The following ASPRV1 variants were observed in gnomAD, a reference collection of about 807,000 sequenced individuals.
The protein encoded by ASPRV1 is aspartic peptidase retroviral like 1.
A neutral mutation model predicts 11.0 loss-of-function variants in ASPRV1; 7 were observed. That is an observed-to-expected ratio of 0.64 (90% CI 0.36 to 1.20). The LOEUF is 1.20. Ranked by LOEUF, ASPRV1 falls within the 50% of genes most tolerant of loss-of-function variation. The probability of loss-of-function intolerance (pLI) is 0.02; values close to 1 mark genes in which losing one functional copy is unlikely to be tolerated. For synonymous variants in ASPRV1, 136 were observed against 138.4 expected (o/e 0.98, Z 0.12); for missense variants, 299 against 320.0 (o/e 0.93, Z 0.50).
the ASPRV1 span, among the ~76,000 whole-genome samples, chr2:69,952,836 AC>A: frequency 6.6e-6 from 1 of 152,040 alleles, no homozygotes; most frequent in African/African-American, 2.4e-5. Flanking sequence ...ACTGCCTTAG[AC>A]CTGTCCCTCT....
At chr2:70,069,903 C>G in the ASPRV1 span, among the ~76,000 whole-genome samples, 11 of 152,114 alleles carry the variant, frequency 7.2e-5, no homozygotes, top group East Asian at 2.1e-3. Context: ...CAACCTTGAA[C>G]AGAAAAAAGA....
At chr2:70,034,570 C>CAA in the ASPRV1 span, among the ~76,000 whole-genome samples, 46 of 85,086 alleles carry the variant, frequency 5.4e-4, no homozygotes, top group East Asian at 3.5e-3. Context: ...GACTTTGTCT[C>CAA]AAAAAAAAAA....
the ASPRV1 span, among the ~76,000 whole-genome samples, chr2:70,028,241 G>A: frequency 6.6e-6 from 1 of 152,214 alleles, no homozygotes; most frequent in Non-Finnish European, 1.5e-5. Flanking sequence ...ACTGAGAACG[G>A]AGTGTGATGG....
chr2:69,973,562 G>C, the ASPRV1 span, among the ~76,000 whole-genome samples: 5 of 152,286 alleles, frequency 3.3e-5, no homozygotes, highest in Non-Finnish European at 5.9e-5. Context: ...TGCCCAGGCT[G>C]GTCTTGGACT....
chr2:70,056,398 G>T, the ASPRV1 span: 1 of 152,112 alleles, frequency 6.6e-6, no homozygotes, highest in East Asian at 1.9e-4. Flanking sequence ...GAGGTCAGGA[G>T]ATCGAGACCA....
the ASPRV1 span, chr2:70,056,198 A>G: frequency 6.6e-6 from 1 of 152,204 alleles, no homozygotes; most frequent in African/African-American, 2.4e-5. Flanking sequence ...GGGGTAGGGC[A>G]AGAAGAGTTG....
chr2:69,959,475 A>G (rs1678010579), downstream of ASPRV1, among the ~76,000 whole-genome samples: 1 of 152,004 alleles, frequency 6.6e-6, no homozygotes, highest in African/African-American at 2.4e-5. Context: ...CAAATACGAG[A>G]TGGACCCCTA....
At chr2:70,063,468 A>T in the ASPRV1 span, among the ~76,000 whole-genome samples, 2 of 152,196 alleles carry the variant, frequency 1.3e-5, no homozygotes, top group Non-Finnish European at 2.9e-5. Flanking sequence ...AAGGCTGCTG[A>T]GGCCAGCTCC....
chr2:69,960,587 G>C lies in ASPRV1; in HGVS notation c.*70C>G, dbSNP rs752169179. ...GGCCAAGCCCAGTGACCCCCATGAGGATATGCAACCCCCCCCACAGCGGTG... is the reference window on the plus strand; with the variant it reads ...GGCCAAGCCCAGTGACCCCCATGAGCATATGCAACCCCCCCCACAGCGGTG... On this transcript the variant is annotated 3_prime_UTR_variant, in exon 1 of 1. Coordinates refer to ENST00000320256, the MANE Select transcript of ASPRV1 (RefSeq NM_152792.4). The C allele has an allele frequency of 6.8e-7, 1 of 1,480,046 alleles. No individual in the cohort carries two copies. Among genetic ancestry groups the C allele is most frequent in the African/African-American group, 1.4e-5 (1 of 70,662 alleles). 91.7% of individuals were successfully genotyped at this position (1,480,046 alleles called of 1,614,324 possible). A position where few individuals can be genotyped will look rare whatever the true frequency, so the allele number is the denominator to read the frequency against.
the ASPRV1 span, among the ~76,000 whole-genome samples, chr2:70,058,859 T>A: frequency 6.7e-6 from 1 of 149,834 alleles, no homozygotes; most frequent in African/African-American, 2.5e-5. Flanking sequence ...GCCAGAAATT[T>A]TTTTTTAAGT....
chr2:69,996,358 C>T, the ASPRV1 span, among the ~76,000 whole-genome samples: 1 of 151,864 alleles, frequency 6.6e-6, no homozygotes, highest in Admixed American at 6.6e-5. Flanking sequence ...CAGCACTGCA[C>T]TCCAGCGTGG....
chr2:69,951,184 G>C, the ASPRV1 span, among the ~76,000 whole-genome samples: 1 of 151,876 alleles, frequency 6.6e-6, no homozygotes. Context: ...CCAGCACTTT[G>C]GGAGGCTGAG....
chr2:70,072,386 C>A, the ASPRV1 span, among the ~76,000 whole-genome samples: 1 of 152,090 alleles, frequency 6.6e-6, no homozygotes, highest in Non-Finnish European at 1.5e-5. Context: ...CCACTGCACT[C>A]TAGCCTGGGT....
At chr2:70,084,746 ATT>A in the ASPRV1 span, among the ~76,000 whole-genome samples, 3 of 152,202 alleles carry the variant, frequency 2.0e-5, no homozygotes, top group African/African-American at 7.2e-5. Flanking sequence ...ATAATGTAAA[ATT>A]TGTTTCTTAG....
the ASPRV1 span, among the ~76,000 whole-genome samples, chr2:69,947,189 C>T: frequency 6.6e-6 from 1 of 152,162 alleles, no homozygotes; most frequent in Non-Finnish European, 1.5e-5. Flanking sequence ...AGCTACCAGT[C>T]AATGCAGACT....
upstream of ASPRV1, chr2:69,962,913 C>A (rs1558582199): frequency 4.2e-6 from 1 of 237,154 alleles, no homozygotes; most frequent in Non-Finnish European, 8.7e-6. Flanking sequence ...GGGCTCCAGG[C>A]CTAGCTGTGT....
the ASPRV1 span, chr2:70,031,747 G>A: frequency 2.6e-5 from 4 of 152,248 alleles, no homozygotes; most frequent in East Asian, 3.9e-4. Flanking sequence ...AATGTTCAGG[G>A]TTAGACTAGC....
rs1272582231 is a variant in ASPRV1 at position 69,960,291 on chromosome 2, C to CT, written c.*365dup. ...CCCAACTAAGACAGGCTTTGAGGAC[C>CT]TGAGAGTGACCAAGCCATACCTCAG... On this transcript the variant is annotated 3_prime_UTR_variant, in exon 1 of 1. Coordinates refer to ENST00000320256, the MANE Select transcript of ASPRV1 (RefSeq NM_152792.4). The CT allele has an allele frequency of 3.1e-5, 7 of 223,102 alleles. No homozygotes were observed. Among genetic ancestry groups the CT allele is most frequent in the Non-Finnish European group, 3.6e-5 (4 of 111,294 alleles). The allele number at this position is 223,102 out of a possible 1,614,324, so 13.8% of individuals were successfully genotyped here.
At chr2:69,985,002 A>G in the ASPRV1 span, among the ~76,000 whole-genome samples, 4 of 151,800 alleles carry the variant, frequency 2.6e-5, no homozygotes, top group African/African-American at 9.7e-5. Flanking sequence ...GACTACAGGC[A>G]CCCACCACCA....
Sources: gnomAD v4.1 joint callset for allele counts (sites outside exome capture counted in the v4.1 genomes callset) on GRCh38, gnomAD v4.1.1 for gene constraint, MANE v1.5 for transcripts, NCBI Gene and HGNC (gene_info 2026-07-23, HGNC 2026-07-21) for gene names.